SOCS6: variants seen among roughly 807,000 people sequenced by gnomAD.
SOCS6 encodes STAT induced STAT inhibitor-4.
Under a neutral mutation model 27.7 loss-of-function variants are expected in SOCS6, and 5 were observed. The observed-to-expected ratio is 0.18, with a 90% CI of 0.09 to 0.38. The LOEUF is 0.38. Among genes scored for constraint, SOCS6 ranks in the 10% least tolerant of loss-of-function variants. The pLI, the probability that SOCS6 is intolerant of heterozygous loss-of-function variation, is 1.00. For synonymous variants in SOCS6, 271 were observed against 260.0 expected (o/e 1.04, Z -0.41); for missense variants, 595 against 688.1 (o/e 0.86, Z 1.51).
In SOCS6 at chr18:70,310,467, G is replaced by GTT. The variant is rs1332886593; in HGVS notation, c.-126-14076_-126-14075insTT. On this transcript the variant is annotated intron_variant, in intron 1 of 1. Transcript: ENST00000397942. Reference sequence around the variant, plus strand: ...TGGCTAATTTTCTAATTTTTTGTGGGGTTTTTTTTTTTTTTTTTTTTGCAG... The same window carrying GTT: ...TGGCTAATTTTCTAATTTTTTGTGGGTTGTTTTTTTTTTTTTTTTTTTTGCAG... Among the ~76,000 whole-genome samples, 322 of 139,520 alleles carry GTT rather than the reference G, an allele frequency of 2.3e-3. 2 individuals are homozygous for GTT. Among genetic ancestry groups the GTT allele is most frequent in the African/African-American group, 8.3e-3 (300 of 36,268 alleles). The allele number at this position is 139,520 out of a possible 152,430, so 91.5% of individuals were successfully genotyped here.
intron 1 of SOCS6, among the ~76,000 whole-genome samples, chr18:70,291,882 T>C (rs41351348): frequency 0.042 from 6,349 of 152,292 alleles, 160 homozygotes; most frequent in Middle Eastern, 0.099. Flanking sequence ...GCTAGATTGA[T>C]AGAAATAATT....
At chr18:70,315,095 A>G (rs1181637655) in intron 1 of SOCS6, among the ~76,000 whole-genome samples, 1 of 152,012 alleles carries the variant, frequency 6.6e-6, no homozygotes, top group Admixed American at 6.6e-5. Context: ...TACCACTCCC[A>G]ATGTTTGCTG....
chr18:70,327,140 T>G lies in SOCS6; in HGVS notation c.*864T>G, dbSNP rs759389123. ...CATAGCTTCCTGTGATAGCATTTTTTTGTGTGTTACCTATCCTTTTGGTAA... is the reference window on the plus strand; with the variant it reads ...CATAGCTTCCTGTGATAGCATTTTTGTGTGTGTTACCTATCCTTTTGGTAA... On this transcript the variant is annotated 3_prime_UTR_variant, in exon 2 of 2. Transcript: ENST00000397942. 1 of 166,990 alleles carries G rather than the reference T, an allele frequency of 6.0e-6. No individual in the cohort carries two copies. Among genetic ancestry groups the G allele is most frequent in the East Asian group, 1.9e-4 (1 of 5,202 alleles). The allele number at this position is 166,990 out of a possible 1,614,324, so 10.3% of individuals were successfully genotyped here.
In SOCS6 at chr18:70,327,021, AT is replaced by A. The variant is rs1213963051; in HGVS notation, c.*747del. 6.0e-6 allele frequency: 1 copy of A among 166,202 alleles called. No homozygotes were observed. Among genetic ancestry groups the A allele is most frequent in the Non-Finnish European group, 1.5e-5 (1 of 68,092 alleles). The allele number at this position is 166,202 out of a possible 1,614,324, so 10.3% of individuals were successfully genotyped here. On this transcript the variant is annotated 3_prime_UTR_variant, in exon 2 of 2. Transcript: ENST00000397942. ...AGAAATGTATACCACCAATTTAGAAATTGTTGCCTTTTCTGTAATTAAACTC... is the reference window on the plus strand; with the variant it reads ...AGAAATGTATACCACCAATTTAGAAATGTTGCCTTTTCTGTAATTAAACTC...
intron 1 of SOCS6, among the ~76,000 whole-genome samples, chr18:70,305,426 C>T (rs1295160453): frequency 6.6e-6 from 1 of 152,194 alleles, no homozygotes; most frequent in Non-Finnish European, 1.5e-5. Context: ...GATTTATTTC[C>T]AGACTCCTTT....
intron 1 of SOCS6, among the ~76,000 whole-genome samples, chr18:70,289,339 C>G (rs1324182068): frequency 1.3e-5 from 2 of 148,680 alleles, no homozygotes; most frequent in African/African-American, 4.9e-5. Flanking sequence ...CGGGGCCAGT[C>G]CCGGGAGCGG....
At chr18:70,297,115 C>A (rs1460026446) in intron 1 of SOCS6, among the ~76,000 whole-genome samples, 8 of 151,890 alleles carry the variant, frequency 5.3e-5, no homozygotes, top group Non-Finnish European at 7.4e-5. Flanking sequence ...GTTCTCCTCA[C>A]CCCCTCTTTT....
intron 1 of SOCS6, among the ~76,000 whole-genome samples, chr18:70,314,865 G>GTATATATATATA (rs59769890): frequency 6.7e-6 from 1 of 150,176 alleles, no homozygotes; most frequent in African/African-American, 2.5e-5. Flanking sequence ...GATTTTGTGT[G>GTATATATATATA]TATATATATA....
chr18:70,317,539 CACTTCATATATACAT>C (rs2062417373), intron 1 of SOCS6, among the ~76,000 whole-genome samples: 2 of 1,884 alleles, frequency 1.1e-3, no homozygotes, highest in Admixed American at 8.1e-3. Context: ...TATATATACA[CACTTCATATATACAT>C]ACACACACAC....
chr18:70,295,738 G>C (rs1350242046), intron 1 of SOCS6, among the ~76,000 whole-genome samples: 1 of 152,180 alleles, frequency 6.6e-6, no homozygotes, highest in Non-Finnish European at 1.5e-5. Context: ...CTGCATTTTA[G>C]AGCTAGAAGG....
intron 1 of SOCS6, among the ~76,000 whole-genome samples, chr18:70,318,964 GAGA>G (rs1296173259): frequency 6.6e-6 from 1 of 151,900 alleles, no homozygotes; most frequent in Non-Finnish European, 1.5e-5. Context: ...AAAGAAAAAA[GAGA>G]AGAGAAAAGA....
rs537749233 is a variant in SOCS6, at chr18:70,324,946, C to T, written c.278C>T (p.Thr93Ile). ...AKQKSKGKAG[T>I]PSGSSADEDT... is the part of the protein sequence containing the mutation. Reference sequence around the variant, plus strand: ...CAGAAGTCAAAAGGCAAGGCGGGCACACCCTCTGGGAGCTCTGCCGACGAG... The same window carrying T: ...CAGAAGTCAAAAGGCAAGGCGGGCATACCCTCTGGGAGCTCTGCCGACGAG... Residue 93 changes from threonine (T) to isoleucine (I), a missense_variant, in exon 2 of 2, where the codon ACA (threonine) becomes ATA (isoleucine). Coordinates refer to ENST00000397942, the MANE Select transcript of SOCS6 (RefSeq NM_004232.4). The T allele has an allele frequency of 1.2e-6, 2 of 1,614,212 alleles. No individual in the cohort carries two copies. The highest frequency in any genetic ancestry group is 1.1e-5 in the South Asian group (1 of 91,076).
intron 1 of SOCS6, among the ~76,000 whole-genome samples, chr18:70,319,929 A>G (rs1393045828): frequency 1.3e-5 from 2 of 152,238 alleles, no homozygotes; most frequent in African/African-American, 4.8e-5. Context: ...CCCATAAATA[A>G]TCAACATGAG....
intron 1 of SOCS6, among the ~76,000 whole-genome samples, chr18:70,313,869 A>T (rs2062400359): frequency 6.6e-6 from 1 of 152,188 alleles, no homozygotes; most frequent in African/African-American, 2.4e-5. Flanking sequence ...TTGAAAAAGC[A>T]TTATTGATGT....
chr18:70,296,769 G>C (rs886445318), intron 1 of SOCS6: 2 of 152,158 alleles, frequency 1.3e-5, no homozygotes, highest in African/African-American at 4.8e-5. Context: ...GGTGGGTCTG[G>C]TGATTGTTCT....
chr18:70,302,603 A>G (rs534708402), intron 1 of SOCS6, among the ~76,000 whole-genome samples: 3 of 152,250 alleles, frequency 2.0e-5, no homozygotes, highest in East Asian at 3.9e-4. Flanking sequence ...AGAGTAGTGG[A>G]AGGGAATAGA....
rs879812271 is a variant in SOCS6, at chr18:70,328,840, AAGAG to A, written c.*2572_*2575del. On this transcript the variant is annotated 3_prime_UTR_variant, in exon 2 of 2. Coordinates refer to ENST00000397942, the MANE Select transcript of SOCS6 (RefSeq NM_004232.4). ...TCCAGTTAAAAGTGGAAACAGGGAA[AAGAG>A]AGAGAGAAAACTCATCATTTAGTTT... The A allele has an allele frequency of 9.8e-4, 163 of 167,170 alleles. No individual in the cohort carries two copies. Among genetic ancestry groups the A allele is most frequent in the African/African-American group, 3.8e-3 (156 of 41,576 alleles). The allele number at this position is 167,170 out of a possible 1,614,324, so 10.4% of individuals were successfully genotyped here.
At chr18:70,307,770 GTTT>G (rs1329228199) in intron 1 of SOCS6, among the ~76,000 whole-genome samples, 1 of 152,058 alleles carries the variant, frequency 6.6e-6, no homozygotes. Flanking sequence ...AGCTTTGTCT[GTTT>G]TTTATCTTTT....
In SOCS6 at chr18:70,317,039, T is replaced by A. The variant is rs1192739630; in HGVS notation, c.-126-7504T>A. ...TTTTTTCAAGGTAGCATAGTGGAAT[T>A]TACTTATTTTTTATAATGTATTTTT... On this transcript the variant is annotated intron_variant, in intron 1 of 1. Transcript: ENST00000397942. Among the ~76,000 whole-genome samples the A allele has an allele frequency of 2.6e-5, 4 of 152,350 alleles. No homozygotes were observed. The East Asian group carries it at 7.7e-4, about 29-fold the overall frequency.
Sources: allele counts gnomAD v4.1 joint callset (sites outside exome capture counted in the v4.1 genomes callset), GRCh38; gene constraint gnomAD v4.1.1; transcripts MANE v1.5; gene names NCBI Gene and HGNC (gene_info 2026-07-23, HGNC 2026-07-21).